ERICH1: variants seen among roughly 807,000 people sequenced by gnomAD.
ERICH1 encodes the protein glutamate-rich protein 1.
ERICH1 carries 56 observed loss-of-function variants against 39.6 expected under a neutral mutation model. The observed-to-expected ratio is 1.41, with a 90% confidence interval of 1.14 to 1.77. The LOEUF is 1.77. ERICH1 is among the 40% of genes most tolerant of loss of function. The pLI, the probability that ERICH1 is intolerant of heterozygous loss-of-function variation, is 0.00. For missense variants in ERICH1, 826 were observed against 575.4 expected (o/e 1.44, Z -4.45); for synonymous variants, 313 against 223.6 (o/e 1.40, Z -3.57).
intron 3 of ERICH1, among the ~76,000 whole-genome samples, chr8:640,209 T>G (rs1798831964): frequency 6.6e-6 from 1 of 152,160 alleles, no homozygotes; most frequent in South Asian, 2.1e-4. Context: ...ATGGAGAAGG[T>G]CCTCATGAAA....
At chr8:726,098 C>T (rs560970741) in intron 1 of ERICH1, among the ~76,000 whole-genome samples, 18 of 152,298 alleles carry the variant, frequency 1.2e-4, no homozygotes, top group Admixed American at 1.1e-3. Flanking sequence ...GAATGAAAGT[C>T]GGCCCCAACA....
At chr8:727,345 G>A (rs1192955718) in intron 1 of ERICH1, among the ~76,000 whole-genome samples, 3 of 152,206 alleles carry the variant, frequency 2.0e-5, no homozygotes, top group African/African-American at 7.2e-5. Flanking sequence ...TGCCAGCACC[G>A]TGGACAGCGC....
At chr8:650,841 T>C (rs1000881777) in intron 3 of ERICH1, among the ~76,000 whole-genome samples, 1 of 152,188 alleles carries the variant, frequency 6.6e-6, no homozygotes, top group Non-Finnish European at 1.5e-5. Flanking sequence ...GCTTCAACGA[T>C]TCATGGTGAA....
chr8:705,219 A>C (rs1185399276), intron 2 of ERICH1, among the ~76,000 whole-genome samples: 1 of 152,242 alleles, frequency 6.6e-6, no homozygotes, highest in Non-Finnish European at 1.5e-5. Context: ...GGATGTGGGC[A>C]CTGTTCCTCA....
intron 1 of ERICH1, among the ~76,000 whole-genome samples, chr8:729,872 G>A (rs982506749): frequency 6.6e-6 from 1 of 151,854 alleles, no homozygotes; most frequent in South Asian, 2.1e-4. Context: ...CTTGCATAGA[G>A]AAGAGCATTT....
intron 3 of ERICH1, chr8:626,367 T>A (rs1797594738): frequency 6.6e-6 from 1 of 152,182 alleles, no homozygotes; most frequent in African/African-American, 2.4e-5. Context: ...CTAAAGACCC[T>A]ACTTGTCTCC....
downstream of ERICH1, among the ~76,000 whole-genome samples, chr8:663,448 A>G (rs926529040): frequency 6.6e-6 from 1 of 152,080 alleles, no homozygotes; most frequent in African/African-American, 2.4e-5. Flanking sequence ...TCACCAGGCG[A>G]CCGTGCAGTT....
chr8:673,650 A>G lies in ERICH1; in HGVS notation c.702T>C (p.Gly234=), dbSNP rs1803977798. ...TCAGGTCTTCCTCGCTAGCGTCCGC[A>G]CCATCTTCCTCCCTGGTATCTTTAA... ...EDVKDTREED[G]ADASEEDLTR... is the part of the protein sequence containing the mutation. The change falls in exon 4 of 6, where the codon GGT becomes GGC. Residue 234 remains glycine, a synonymous_variant. Transcript: ENST00000262109. The G allele has an allele frequency of 1.9e-6, 3 of 1,612,518 alleles. No individual in the cohort carries two copies. In the African/African-American group the frequency reaches 4.0e-5, roughly 22 times the overall value.
chr8:683,393 G>A (rs571289053), intron 3 of ERICH1, among the ~76,000 whole-genome samples: 1 of 152,364 alleles, frequency 6.6e-6, no homozygotes, highest in Admixed American at 6.5e-5. Context: ...AGGACTGCCT[G>A]TGAGACGGGG....
chr8:649,916 C>T (rs572391939), intron 3 of ERICH1, among the ~76,000 whole-genome samples: 1 of 152,310 alleles, frequency 6.6e-6, no homozygotes, highest in African/African-American at 2.4e-5. Context: ...GTGACAGGAC[C>T]GGGCCTGGGG....
intron 2 of ERICH1, among the ~76,000 whole-genome samples, chr8:700,841 A>G (rs962010878): frequency 6.6e-6 from 1 of 152,262 alleles, no homozygotes; most frequent in African/African-American, 2.4e-5. Context: ...CAGATGGCAG[A>G]TAAGAGGAAA....
intron 2 of ERICH1, among the ~76,000 whole-genome samples, chr8:701,076 T>C (rs541218733): frequency 2.0e-4 from 31 of 151,496 alleles, no homozygotes; most frequent in Middle Eastern, 3.4e-3. Flanking sequence ...TTTTCAAGAT[T>C]TTTTTTGCTG....
chr8:700,604 G>C (rs1280318182), intron 2 of ERICH1, among the ~76,000 whole-genome samples: 2 of 149,224 alleles, frequency 1.3e-5, no homozygotes, highest in Non-Finnish European at 3.0e-5. Flanking sequence ...ACGCCTGACA[G>C]CTCCAGTCAG....
chr8:655,660 A>ATTCATTCC (rs1800550055), intron 3 of ERICH1, among the ~76,000 whole-genome samples: 1 of 142,984 alleles, frequency 7.0e-6, no homozygotes, highest in African/African-American at 2.6e-5. Context: ...TGTCCTCTGC[A>ATTCATTCC]TTCCTTCCTT....
At chr8:686,586 G>A (rs1186563848) in intron 3 of ERICH1, 1 of 152,218 alleles carries the variant, frequency 6.6e-6, no homozygotes, top group Non-Finnish European at 1.5e-5. Flanking sequence ...ATTAAGTCCG[G>A]GAAGAATCCA....
At chr8:659,990 A>G (rs1007849410), downstream of ERICH1, among the ~76,000 whole-genome samples, 3 of 152,232 alleles carry the variant, frequency 2.0e-5, no homozygotes, top group Admixed American at 6.5e-5. Flanking sequence ...TCCTGGCCTC[A>G]AGCCCCCCAA....
chr8:684,097 A>G (rs1042424264), intron 3 of ERICH1, among the ~76,000 whole-genome samples: 1 of 152,242 alleles, frequency 6.6e-6, no homozygotes. Flanking sequence ...TTTAAAAACA[A>G]TTCACATTTA....
At chr8:617,109 A>G (rs758784972) in intron 3 of ERICH1, among the ~76,000 whole-genome samples, 21 of 152,140 alleles carry the variant, frequency 1.4e-4, no homozygotes, top group Non-Finnish European at 2.8e-4. Flanking sequence ...AGTGCATATT[A>G]TTCCAGTTTA....
chr8:665,598 A>G (rs4338080), intron 5 of ERICH1, among the ~76,000 whole-genome samples: 137,475 of 152,052 alleles, frequency 0.9, 62,248 homozygotes, highest in South Asian at 0.95. Context: ...CATACAGAGA[A>G]TTAGAGGAGG....
Sources: gnomAD v4.1 joint callset for allele counts (sites outside exome capture counted in the v4.1 genomes callset) on GRCh38, gnomAD v4.1.1 for gene constraint, MANE v1.5 for transcripts, NCBI Gene and HGNC (gene_info 2026-07-23, HGNC 2026-07-21) for gene names.